The following PDE3B variants were observed in gnomAD, a reference collection of about 807,000 sequenced individuals.
The protein encoded by PDE3B is phosphodiesterase 3B, also known as cGMP-inhibited 3',5'-cyclic phosphodiesterase 3B.
PDE3B carries 66 observed loss-of-function variants against 116.8 expected under a neutral mutation model. The observed-to-expected ratio is 0.56, with a 90% CI of 0.46 to 0.69. The LOEUF (loss-of-function observed/expected upper bound fraction) is 0.69, where lower values mean the gene tolerates loss of function less well. Ranked by LOEUF, PDE3B falls within the 30% of genes least tolerant of loss-of-function variation. PDE3B has a pLI of 0.00. For missense variants in PDE3B, 1,384 were observed against 1,368.1 expected (o/e 1.01, Z -0.18); for synonymous variants, 595 against 533.6 (o/e 1.12, Z -1.59).
rs901233367 is a variant in PDE3B at position 14,644,205 on chromosome 11, C to A, written c.130C>A (p.Pro44Thr). The change falls in exon 1 of 16, where the codon CCG (proline) becomes ACG (threonine). Residue 44 changes from proline to threonine, a missense_variant. By Grantham distance (38) the Pro-to-Thr change is conservative. Transcript: ENST00000282096. Reference protein sequence around the residue: ...SCVSPLRQDPPRGFFFHLCRF... With the variant: ...SCVSPLRQDPTRGFFFHLCRF... ...CGTGAGCCCCTTGCGGCAGGACCCT[C>A]CGCGCGGCTTCTTCTTCCACCTCTG... 3 of 1,595,792 alleles carry A rather than the reference C, an allele frequency of 1.9e-6. No individual in the cohort carries two copies. Among genetic ancestry groups the A allele is most frequent in the Admixed American group, 1.7e-5 (1 of 59,598 alleles).
chr11:14,858,271 GTTTT>G (rs11454337), intron 12 of PDE3B, among the ~76,000 whole-genome samples: 2 of 152,040 alleles, frequency 1.3e-5, no homozygotes, highest in African/African-American at 2.4e-5. Flanking sequence ...GGCTGTAGAA[GTTTT>G]TTTAATAATT....
At chr11:14,880,809 C>A in the PDE3B span, 2 of 1,549,644 alleles carry the variant, frequency 1.3e-6, no homozygotes, top group South Asian at 2.4e-5. Context: ...TCCTACTTCT[C>A]TGTATCTAAA....
chr11:14,767,350 A>T (rs1857524692), intron 1 of PDE3B, among the ~76,000 whole-genome samples: 1 of 151,538 alleles, frequency 6.6e-6, no homozygotes, highest in South Asian at 2.1e-4. Context: ...TGTATGTGCT[A>T]GTAAAATTTT....
intron 14 of PDE3B, among the ~76,000 whole-genome samples, chr11:14,863,364 C>T (rs948406805): frequency 7.2e-5 from 11 of 152,172 alleles, no homozygotes; most frequent in African/African-American, 2.4e-4. Flanking sequence ...TGTTTCCTGA[C>T]GTTCTAATGA....
rs1257275591 is a variant in PDE3B, at chr11:14,815,971, G to A, written c.1523-2212G>A. Among the ~76,000 whole-genome samples, 13 of 108,828 alleles carry A rather than the reference G, an allele frequency of 1.2e-4. No homozygotes were observed. The East Asian group carries it at 2.0e-3, about 17-fold the overall frequency. The allele number at this position is 108,828 out of a possible 152,430, so 71.4% of individuals were successfully genotyped here. ...CACACACACACACACACACACACAC[G>A]CAGAGAAAGAGAGAGAAAGTTTGTT... is the stretch of plus-strand genomic sequence containing the variant. On this transcript the variant is annotated intron_variant, in intron 5 of 15. Transcript: ENST00000282096.
chr11:14,898,433 A>G, the PDE3B span, among the ~76,000 whole-genome samples: 51 of 152,232 alleles, frequency 3.4e-4, no homozygotes, highest in East Asian at 6.6e-3. Context: ...TCACACCACA[A>G]TGACACATCC....
intron 1 of PDE3B, chr11:14,673,997 T>A: frequency 7.2e-7 from 1 of 1,391,374 alleles, no homozygotes; most frequent in South Asian, 1.2e-5. Flanking sequence ...CATTTCTTCT[T>A]GGCAGGAAGT....
At chr11:14,791,960 TA>T (rs1241978268) in intron 4 of PDE3B, among the ~76,000 whole-genome samples, 1 of 152,208 alleles carries the variant, frequency 6.6e-6, no homozygotes, top group Non-Finnish European at 1.5e-5. Flanking sequence ...TTTTTACTTG[TA>T]TTTTTTTATT....
chr11:14,648,412 G>A (rs1853473008), intron 1 of PDE3B, among the ~76,000 whole-genome samples: 1 of 151,960 alleles, frequency 6.6e-6, no homozygotes, highest in African/African-American at 2.4e-5. Context: ...TTAAAGTGTG[G>A]TTATTTACTC....
chr11:14,775,451 T>C (rs778225927), intron 2 of PDE3B: 1 of 152,244 alleles, frequency 6.6e-6, no homozygotes, highest in Non-Finnish European at 1.5e-5. Flanking sequence ...GCTCAAATGC[T>C]ACCCCTTCCA....
chr11:14,757,458 G>A (rs1174119716), intron 1 of PDE3B, among the ~76,000 whole-genome samples: 1 of 151,536 alleles, frequency 6.6e-6, no homozygotes, highest in African/African-American at 2.4e-5. Flanking sequence ...ATCCTCTCTA[G>A]CACCTGCTGT....
the PDE3B span, chr11:14,891,142 G>C: frequency 3.0e-6 from 3 of 985,448 alleles, no homozygotes; most frequent in South Asian, 4.7e-5. Flanking sequence ...TCCGGACGTC[G>C]GGACACCCAC....
intron 1 of PDE3B, among the ~76,000 whole-genome samples, chr11:14,667,421 A>G (rs9735337): frequency 0.13 from 19,746 of 151,200 alleles, 1,432 homozygotes; most frequent in African/African-American, 0.2. Context: ...GTACCCTAAA[A>G]CTTAAAGTAT....
chr11:14,644,064 C>T lies in PDE3B; in HGVS notation c.-12C>T. 6.6e-7 allele frequency: 1 copy of T among 1,504,918 alleles called. No individual in the cohort carries two copies. Among genetic ancestry groups the T allele is most frequent in the Non-Finnish European group, 8.8e-7 (1 of 1,137,930 alleles). 93.2% of individuals were successfully genotyped at this position (1,504,918 alleles called of 1,614,324 possible). Reference sequence around the variant, plus strand: ...GGTGTGCTGAGTCCCGTGGCCACCCCCGGCCCCAGCCATGAGGAGGGACGA... The same window carrying T: ...GGTGTGCTGAGTCCCGTGGCCACCCTCGGCCCCAGCCATGAGGAGGGACGA... On this transcript the variant is annotated 5_prime_UTR_variant, in exon 1 of 16. Coordinates refer to ENST00000282096, the MANE Select transcript of PDE3B (RefSeq NM_000922.4).
chr11:14,781,395 G>A (rs1323940603), intron 2 of PDE3B, among the ~76,000 whole-genome samples: 2 of 152,258 alleles, frequency 1.3e-5, no homozygotes, highest in Non-Finnish European at 2.9e-5. Flanking sequence ...GATGAACATC[G>A]ATGCAAAAAT....
the PDE3B span, chr11:14,890,887 T>A: frequency 1.0e-6 from 1 of 985,226 alleles, no homozygotes; most frequent in Admixed American, 6.2e-5. Flanking sequence ...TAAGTAAGGA[T>A]TTAAGGTCAA....
intron 1 of PDE3B, among the ~76,000 whole-genome samples, chr11:14,685,869 G>A (rs1399568193): frequency 1.3e-5 from 2 of 152,164 alleles, no homozygotes; most frequent in Non-Finnish European, 2.9e-5. Flanking sequence ...ACGACTTGAA[G>A]TTTCTCATTG....
chr11:14,694,239 G>A (rs1013938195), intron 1 of PDE3B, among the ~76,000 whole-genome samples: 2 of 152,032 alleles, frequency 1.3e-5, no homozygotes, highest in Non-Finnish European at 2.9e-5. Context: ...GACAACAATG[G>A]GTTTACATAA....
chr11:14,765,412 C>T (rs371993066), intron 1 of PDE3B, among the ~76,000 whole-genome samples: 8 of 151,666 alleles, frequency 5.3e-5, no homozygotes, highest in African/African-American at 1.7e-4. Flanking sequence ...TGTAGAGCTC[C>T]GTAGAGCGTG....
Sources: allele counts gnomAD v4.1 joint callset (sites outside exome capture counted in the v4.1 genomes callset), GRCh38; gene constraint gnomAD v4.1.1; transcripts MANE v1.5; gene names NCBI Gene and HGNC (gene_info 2026-07-23, HGNC 2026-07-21).